Variants in HS3ST4 observed in about 807,000 individuals in gnomAD.
HS3ST4 encodes the protein heparan sulfate glucosamine 3-O-sulfotransferase 4.
Under a neutral mutation model 29.2 loss-of-function variants are expected in HS3ST4, and 17 were observed. The ratio of observed to expected loss-of-function variants is 0.58; its 90% CI spans 0.40 to 0.87. The LOEUF is 0.87. Among genes scored for constraint, HS3ST4 ranks in the 40% least tolerant of loss-of-function variants. The pLI is 0.00. For missense variants in HS3ST4, 627 were observed against 634.5 expected (o/e 0.99, Z 0.13); for synonymous variants, 314 against 285.7 (o/e 1.10, Z -1.00).
At chr16:25,997,821 T>G (rs886435925) in intron 1 of HS3ST4, among the ~76,000 whole-genome samples, 22 of 152,184 alleles carry the variant, frequency 1.4e-4, no homozygotes, top group Admixed American at 1.4e-3. Context: ...GGGGAGTAAT[T>G]GCTCCCTTAA....
intron 1 of HS3ST4, among the ~76,000 whole-genome samples, chr16:25,927,789 A>G (rs1258706557): frequency 3.3e-5 from 5 of 151,926 alleles, no homozygotes; most frequent in South Asian, 2.1e-4. Context: ...CCATTCATCC[A>G]TCAATTCAGA....
chr16:25,793,776 G>A (rs1228617033), intron 1 of HS3ST4, among the ~76,000 whole-genome samples: 1 of 151,626 alleles, frequency 6.6e-6, no homozygotes, highest in Non-Finnish European at 1.5e-5. Context: ...TGATATGCTG[G>A]GATTTATAAA....
chr16:25,942,910 C>A (rs1166883454), intron 1 of HS3ST4, among the ~76,000 whole-genome samples: 2 of 152,210 alleles, frequency 1.3e-5, no homozygotes, highest in Non-Finnish European at 2.9e-5. Context: ...GTGCAAGCCA[C>A]CATGCCCGGC....
intron 1 of HS3ST4, among the ~76,000 whole-genome samples, chr16:25,925,946 G>C (rs573765234): frequency 6.0e-4 from 91 of 151,890 alleles, no homozygotes; most frequent in Non-Finnish European, 1.0e-3. Flanking sequence ...CTCTGCCTCC[G>C]CTCCCATGCC....
At chr16:25,969,659 G>A (rs982100917) in intron 1 of HS3ST4, among the ~76,000 whole-genome samples, 4 of 152,132 alleles carry the variant, frequency 2.6e-5, no homozygotes, top group Non-Finnish European at 5.9e-5. Context: ...GGTACCTTAC[G>A]GGCTCATGTC....
intron 1 of HS3ST4, among the ~76,000 whole-genome samples, chr16:25,766,492 A>G (rs1966819892): frequency 1.3e-5 from 2 of 152,224 alleles, no homozygotes; most frequent in African/African-American, 4.8e-5. Context: ...TTAGGTGGTG[A>G]CAGTTCTGTC....
At chr16:25,838,612 G>T (rs1380143455) in intron 1 of HS3ST4, among the ~76,000 whole-genome samples, 2 of 152,144 alleles carry the variant, frequency 1.3e-5, no homozygotes, top group Admixed American at 1.3e-4. Context: ...AGGATCTGGG[G>T]TGGGTTTATT....
At chr16:25,964,066 T>A (rs769867801) in intron 1 of HS3ST4, among the ~76,000 whole-genome samples, 2 of 151,604 alleles carry the variant, frequency 1.3e-5, no homozygotes, top group African/African-American at 4.9e-5. Flanking sequence ...TCCCAGCCAC[T>A]TGGGAGGCTG....
chr16:26,081,714 A>G (rs923620602), intron 1 of HS3ST4, among the ~76,000 whole-genome samples: 1 of 149,586 alleles, frequency 6.7e-6, no homozygotes, highest in Admixed American at 6.7e-5. Context: ...CAAGACCTGG[A>G]GGCCAGGAAG....
chr16:25,860,623 G>T (rs1333107600), intron 1 of HS3ST4, among the ~76,000 whole-genome samples: 6 of 152,146 alleles, frequency 3.9e-5, no homozygotes, highest in Admixed American at 3.9e-4. Context: ...CCTATCTAAG[G>T]CTACATACTC....
At chr16:25,991,113 A>G (rs1459534174) in intron 1 of HS3ST4, among the ~76,000 whole-genome samples, 1 of 149,226 alleles carries the variant, frequency 6.7e-6, no homozygotes, top group East Asian at 1.9e-4. Flanking sequence ...CACCGGCCTC[A>G]CCAGGACCTC....
chr16:25,732,863 T>C (rs1416388285), intron 1 of HS3ST4, among the ~76,000 whole-genome samples: 1 of 152,184 alleles, frequency 6.6e-6, no homozygotes, highest in Non-Finnish European at 1.5e-5. Flanking sequence ...TCCTCCTTCT[T>C]AGTATTGCTG....
chr16:25,699,807 A>C (rs1018053305), intron 1 of HS3ST4, among the ~76,000 whole-genome samples: 19 of 152,180 alleles, frequency 1.2e-4, no homozygotes, highest in Non-Finnish European at 2.4e-4. Context: ...GCTAAGCCTC[A>C]ATTTCTCCAT....
chr16:25,950,139 G>T (rs890013471), intron 1 of HS3ST4, among the ~76,000 whole-genome samples: 1 of 152,150 alleles, frequency 6.6e-6, no homozygotes, highest in Non-Finnish European at 1.5e-5. Flanking sequence ...ATCAGTGAGG[G>T]CGGTGGGCTG....
intron 1 of HS3ST4, among the ~76,000 whole-genome samples, chr16:26,085,092 T>C (rs1898770535): frequency 6.6e-6 from 1 of 152,338 alleles, no homozygotes; most frequent in East Asian, 1.9e-4. Context: ...ATGTCTCTAC[T>C]GGCCTTTTGC....
intron 1 of HS3ST4, among the ~76,000 whole-genome samples, chr16:25,895,481 G>C (rs1968052369): frequency 6.6e-6 from 1 of 151,992 alleles, no homozygotes; most frequent in Admixed American, 6.5e-5. Context: ...AGAGTTGTCA[G>C]GGGCTCGATA....
At chr16:26,107,699 G>A (rs1399828277) in intron 1 of HS3ST4, among the ~76,000 whole-genome samples, 3 of 152,078 alleles carry the variant, frequency 2.0e-5, no homozygotes, top group East Asian at 1.9e-4. Flanking sequence ...CAGCTCCATC[G>A]AAGCTGCTGC....
chr16:25,779,849 A>T (rs952066665), intron 1 of HS3ST4, among the ~76,000 whole-genome samples: 4 of 152,210 alleles, frequency 2.6e-5, no homozygotes, highest in African/African-American at 9.6e-5. Context: ...TTCCTGATGG[A>T]TGAGAGGAAG....
chr16:26,109,132 C>G (rs143500306), intron 1 of HS3ST4, among the ~76,000 whole-genome samples: 1 of 152,160 alleles, frequency 6.6e-6, no homozygotes, highest in African/African-American at 2.4e-5. Context: ...TCAATGCACT[C>G]TCCGGCAAAA....
Sources: gnomAD v4.1 joint callset for allele counts (sites outside exome capture counted in the v4.1 genomes callset) on GRCh38, gnomAD v4.1.1 for gene constraint, MANE v1.5 for transcripts, NCBI Gene and HGNC (gene_info 2026-07-23, HGNC 2026-07-21) for gene names.